LRRC42: variants seen among roughly 807,000 people sequenced by gnomAD.
The protein encoded by LRRC42 is leucine-rich repeat-containing protein 42.
LRRC42 carries 43 observed loss-of-function variants against 44.3 expected under a neutral mutation model. The observed-to-expected ratio is 0.97, with a 90% CI of 0.76 to 1.25. The LOEUF is 1.25. LRRC42 is among the 50% of genes most tolerant of loss of function. The probability of loss-of-function intolerance (pLI) is 0.00; values close to 1 mark genes in which losing one functional copy is unlikely to be tolerated. For missense variants in LRRC42, 540 were observed against 509.1 expected, an observed-to-expected ratio of 1.06 and a Z score of -0.58; for synonymous variants, 207 against 195.2, an observed-to-expected ratio of 1.06 and a Z score of -0.50.
rs1654898712 is a variant in LRRC42 at position 53,958,256 on chromosome 1, A to G, written c.581A>G (p.His194Arg). The change falls in exon 4 of 9, where the codon CAT becomes CGT. Residue 194 changes from histidine to arginine, a missense_variant. Transcript: ENST00000371370. ...GGAGATGAGCATGAACTTCTAGAAC[A>G]TCTCACCAATGAAGCCCTGTCTAGG... The part of the protein sequence containing the change: ...KLGDEHELLE[H>R]LTNEALSSVT... 2 of 1,613,712 alleles carry G rather than the reference A, an allele frequency of 1.2e-6. No individual in the cohort carries two copies. The highest frequency in any genetic ancestry group is 1.7e-6 in the Non-Finnish European group (2 of 1,179,694).
intron 3 of LRRC42, among the ~76,000 whole-genome samples, chr1:53,957,166 G>A (rs374409137): frequency 1.2e-3 from 186 of 152,316 alleles, no homozygotes; most frequent in African/African-American, 4.1e-3. Context: ...TTTGGCAGTT[G>A]TGATCCTGCT....
intron 4 of LRRC42, among the ~76,000 whole-genome samples, chr1:53,958,514 CT>C (rs1405226643): frequency 6.6e-6 from 1 of 152,140 alleles, no homozygotes. Context: ...TTCTAAGTAA[CT>C]TTTATTTTAA....
At position 53,952,127 on chromosome 1, in the gene LRRC42, C is replaced by T. The variant is rs752102206; in HGVS notation, c.128C>T (p.Pro43Leu). ...AGGAGTAGCCTGCAGAAGCCAAGGC[C>T]TTTCAGACTGTTCCCCAAAGGCTTT... is the stretch of plus-strand genomic sequence containing the variant. The part of the protein sequence containing the change: ...GVRSSLQKPR[P>L]FRLFPKGFSV... Residue 43 changes from proline to leucine, a missense_variant, in exon 3 of 9, where the codon CCT becomes CTT. Transcript: ENST00000371370. The T allele has an allele frequency of 2.5e-6, 4 of 1,614,208 alleles. No homozygotes were observed. The highest frequency in any genetic ancestry group is 3.4e-6 in the Non-Finnish European group (4 of 1,180,036).
intron 7 of LRRC42, 70 bp from the exon 8 acceptor site, chr1:53,966,226 G>T: frequency 7.9e-7 from 1 of 1,268,112 alleles, no homozygotes; most frequent in Non-Finnish European, 1.1e-6. Context: ...GAAAAAGGGG[G>T]AACAAGAAAG....
rs114147074 is a variant in LRRC42, at chr1:53,949,613, C to A, written c.-15+1792C>A. Among the ~76,000 whole-genome samples, 1,408 of 152,314 alleles carry A rather than the reference C, an allele frequency of 9.2e-3. 28 individuals carry two copies. The highest frequency in any genetic ancestry group is 0.032 in the African/African-American group (1,351 of 41,570). ...GGTTGGAGGGTCCAGATGCTCACCC[C>A]TACTGGAGGAACAGCTCAGAATAAA... On this transcript the variant is annotated intron_variant, in intron 2 of 8. Coordinates refer to ENST00000371370, the MANE Select transcript of LRRC42 (RefSeq NM_001256409.2).
At chr1:53,951,028 T>C (rs915424787) in intron 2 of LRRC42, among the ~76,000 whole-genome samples, 1 of 152,232 alleles carries the variant, frequency 6.6e-6, no homozygotes, top group African/African-American at 2.4e-5. Context: ...CACTGTGTTA[T>C]AGAGTCTGCA....
chr1:53,958,536 T>C (rs1417572793), intron 4 of LRRC42, among the ~76,000 whole-genome samples: 1 of 152,226 alleles, frequency 6.6e-6, no homozygotes, highest in African/African-American at 2.4e-5. Context: ...TATGTAATAC[T>C]TGAAGCTACG....
chr1:53,961,275 G>C (rs1054161134), intron 5 of LRRC42, among the ~76,000 whole-genome samples: 2 of 152,154 alleles, frequency 1.3e-5, no homozygotes, highest in African/African-American at 4.8e-5. Flanking sequence ...GCTGGGCGTG[G>C]TGGCCGGCAC....
intron 8 of LRRC42, among the ~76,000 whole-genome samples, 197 bp from the exon 9 acceptor site, chr1:53,967,468 T>C (rs1655157548): frequency 6.6e-6 from 1 of 152,210 alleles, no homozygotes; most frequent in African/African-American, 2.4e-5. Flanking sequence ...AATCCAAATC[T>C]GTCAGACTGT....
Position 53,955,610 on chromosome 1 carries a change from A to T in LRRC42, c.474-2539A>T, listed in dbSNP as rs114783600. On this transcript the variant is annotated intron_variant, in intron 3 of 8. Transcript: ENST00000371370. ...ACCATGCCCAGCCAGAAAATATAGG[A>T]AACAATTTTAACATAATCTTTTTTT... Among the ~76,000 whole-genome samples, 1,411 of 149,756 alleles carry T rather than the reference A, an allele frequency of 9.4e-3. 28 individuals carry two copies. The highest frequency in any genetic ancestry group is 0.033 in the African/African-American group (1,346 of 40,580).
chr1:53,955,140 G>T (rs1290630800), intron 3 of LRRC42, among the ~76,000 whole-genome samples: 1 of 151,944 alleles, frequency 6.6e-6, no homozygotes, highest in Admixed American at 6.6e-5. Flanking sequence ...AAGGAAAAAA[G>T]AAATCTACCA....
intron 3 of LRRC42, among the ~76,000 whole-genome samples, chr1:53,952,878 G>A (rs886750466): frequency 9.9e-5 from 15 of 152,150 alleles, no homozygotes; most frequent in African/African-American, 3.4e-4. Flanking sequence ...TAGATAAAAA[G>A]TGACCTTAAA....
chr1:53,959,614 A>G (rs1654938382), intron 4 of LRRC42, among the ~76,000 whole-genome samples: 1 of 152,246 alleles, frequency 6.6e-6, no homozygotes, highest in African/African-American at 2.4e-5. Context: ...GATTATGGGT[A>G]TACCTTATTA....
chr1:53,955,766 C>G (rs1654819958), intron 3 of LRRC42, among the ~76,000 whole-genome samples: 1 of 151,638 alleles, frequency 6.6e-6, no homozygotes. Context: ...GTAGCTGGGA[C>G]TACAGGTGCC....
At chr1:53,964,871 A>G (rs1185510885) in intron 7 of LRRC42, among the ~76,000 whole-genome samples, 1 of 152,122 alleles carries the variant, frequency 6.6e-6, no homozygotes, top group Non-Finnish European at 1.5e-5. Flanking sequence ...TTTTAAATAG[A>G]GATGGGGTTT....
intron 4 of LRRC42, among the ~76,000 whole-genome samples, chr1:53,959,919 C>G (rs951748121): frequency 7.3e-6 from 1 of 136,636 alleles, no homozygotes; most frequent in African/African-American, 2.7e-5. Context: ...ACCAAAAAAT[C>G]TTTTTTTTTT....
intron 3 of LRRC42, among the ~76,000 whole-genome samples, chr1:53,957,903 T>C (rs1654883126): frequency 6.6e-6 from 1 of 152,168 alleles, no homozygotes; most frequent in Non-Finnish European, 1.5e-5. Flanking sequence ...TTTGCTAATA[T>C]ACATTTATTT....
In LRRC42 at chr1:53,962,171, T is replaced by C. The variant is rs372528273; in HGVS notation, c.813+49T>C. On this transcript the variant is annotated intron_variant, in intron 6 of 8. Coordinates refer to ENST00000371370, the MANE Select transcript of LRRC42 (RefSeq NM_001256409.2). ...CATTTTTCTAGACTCAACAATTTGA[T>C]ATTTTGCCTGTGCTAATTGGTATTT... 7 of 1,531,740 alleles carry C rather than the reference T, an allele frequency of 4.6e-6. No homozygotes were observed. In the African/African-American group the frequency reaches 9.6e-5, roughly 21 times the overall value. The allele number at this position is 1,531,740 out of a possible 1,614,324, so 94.9% of individuals were successfully genotyped here.
chr1:53,952,156 G>A lies in LRRC42; in HGVS notation c.157G>A (p.Val53Met), dbSNP rs1299634695. ...CAGACTGTTCCCCAAAGGCTTTTCT[G>A]TGGAGCTTTGCATGAACAGGGAAGA... is the stretch of plus-strand genomic sequence containing the variant. ...PFRLFPKGFS[V>M]ELCMNREDDT... is the part of the protein sequence containing the mutation. Residue 53 changes from valine to methionine, a missense_variant, in exon 3 of 9, where the codon GTG (valine) becomes ATG (methionine). By Grantham distance (21) the Val-to-Met change is conservative (BLOSUM62 1). Transcript: ENST00000371370. 6.2e-7 allele frequency: 1 copy of A among 1,614,198 alleles called. No individual in the cohort carries two copies. The highest frequency in any genetic ancestry group is 1.3e-5 in the African/African-American group (1 of 75,044).
Sources: gnomAD v4.1 joint callset for allele counts (sites outside exome capture counted in the v4.1 genomes callset) on GRCh38, gnomAD v4.1.1 for gene constraint, MANE v1.5 for transcripts, NCBI Gene and HGNC (gene_info 2026-07-23, HGNC 2026-07-21) for gene names.